Variants in ADGRE3 observed in about 807,000 individuals in gnomAD.
The protein encoded by ADGRE3 is EGF-like module receptor 3.
In ADGRE3, 88 loss-of-function variants were observed where a neutral mutation model predicts 80.1. The ratio of observed to expected loss-of-function variants is 1.10; its 90% CI spans 0.93 to 1.31. The LOEUF (loss-of-function observed/expected upper bound fraction) is 1.31. Among genes scored for constraint, ADGRE3 ranks in the 40% most tolerant of loss-of-function variants. ADGRE3 has a pLI of 0.00. For synonymous variants in ADGRE3, 281 were observed against 294.8 expected (o/e 0.95, Z 0.48); for missense variants, 715 against 776.5 (o/e 0.92, Z 0.94).
chr19:14,657,880 C>T (rs1211790253), intron 5 of ADGRE3, among the ~76,000 whole-genome samples: 2 of 152,076 alleles, frequency 1.3e-5, no homozygotes, highest in Non-Finnish European at 2.9e-5. Context: ...TCTCCTGCCT[C>T]AGCCTCTGGG....
At chr19:14,608,270 C>T in the ADGRE3 span, among the ~76,000 whole-genome samples, 1,187 of 152,310 alleles carry the variant, frequency 7.8e-3, 16 homozygotes, top group African/African-American at 0.028. Flanking sequence ...TGGACTTCCA[C>T]ATCACCTAAC....
the ADGRE3 span, chr19:14,610,469 C>G: frequency 2.2e-6 from 1 of 452,100 alleles, no homozygotes; most frequent in Non-Finnish European, 4.1e-6. Flanking sequence ...AGGATCTTCA[C>G]TAAGTTCCTG....
At chr19:14,623,612 A>G (rs1424162244) in intron 15 of ADGRE3, among the ~76,000 whole-genome samples, 1 of 152,140 alleles carries the variant, frequency 6.6e-6, no homozygotes, top group African/African-American at 2.4e-5. Flanking sequence ...ATCCTCTGCA[A>G]TTATGCAGAG....
downstream of ADGRE3, among the ~76,000 whole-genome samples, chr19:14,615,884 A>G (rs1167350120): frequency 6.6e-6 from 1 of 152,004 alleles, no homozygotes; most frequent in Non-Finnish European, 1.5e-5. Flanking sequence ...CTTCGCCTCC[A>G]GAGTATCTGA....
In ADGRE3 at chr19:14,644,147, G is replaced by C. The variant is rs765964678; in HGVS notation, c.1011C>G (p.His337Gln). Residue 337 changes from histidine (H) to glutamine (Q), a missense_variant, in exon 9 of 16, where the codon CAC becomes CAG. Coordinates refer to ENST00000253673, the MANE Select transcript of ADGRE3 (RefSeq NM_032571.5). ...CCATCAGGACAGCGAAGCTGGACAGGTGACTGCAATTACACATGGTGTGAC... is the reference window on the plus strand; with the variant it reads ...CCATCAGGACAGCGAAGCTGGACAGCTGACTGCAATTACACATGGTGTGAC... The part of the protein sequence containing the change: ...NKSHTMCNCS[H>Q]LSSFAVLMAL... 2.1e-5 allele frequency: 34 copies of C among 1,591,740 alleles called. No homozygotes were observed. Among genetic ancestry groups the C allele is most frequent in the Non-Finnish European group, 2.7e-5 (32 of 1,170,476 alleles).
intron 1 of ADGRE3, among the ~76,000 whole-genome samples, chr19:14,671,083 G>A (rs1257181942): frequency 6.6e-6 from 1 of 152,222 alleles, no homozygotes; most frequent in Admixed American, 6.5e-5. Flanking sequence ...TTTTGGAGAA[G>A]AGGCCCTGGG....
chr19:14,647,614 C>T (rs1205495574), intron 7 of ADGRE3, among the ~76,000 whole-genome samples: 1 of 151,326 alleles, frequency 6.6e-6, no homozygotes, highest in East Asian at 2.0e-4. Context: ...GATAGGGTTT[C>T]ACTATGTTGG....
intron 14 of ADGRE3, 91 bp from the exon 15 acceptor site, chr19:14,625,690 T>G: frequency 1.4e-6 from 1 of 728,452 alleles, no homozygotes; most frequent in Non-Finnish European, 2.4e-6. Flanking sequence ...TAGAGATGTA[T>G]TATTATTTAT....
rs373422280 is a variant in ADGRE3 at position 14,662,191 on chromosome 19, T to G, written c.200-73A>C. On this transcript the variant is annotated intron_variant, in intron 3 of 15. Coordinates refer to ENST00000253673, the MANE Select transcript of ADGRE3 (RefSeq NM_032571.5). ...TGAGCAGCTACTATGTGTCAGGAGT[T>G]GTGCTCTTTCCCCCATGGTCTGTCC... is the stretch of plus-strand genomic sequence containing the variant. 1.9e-5 allele frequency: 28 copies of G among 1,494,850 alleles called. No individual in the cohort carries two copies. In the African/African-American group the frequency reaches 2.7e-4, roughly 15 times the overall value. The allele number at this position is 1,494,850 out of a possible 1,614,324, so 92.6% of individuals were successfully genotyped here. A position where few individuals can be genotyped will look rare whatever the true frequency, so the allele number is the denominator to read the frequency against.
At chr19:14,601,425 T>A in the ADGRE3 span, among the ~76,000 whole-genome samples, 1 of 152,334 alleles carries the variant, frequency 6.6e-6, no homozygotes, top group East Asian at 1.9e-4. Flanking sequence ...GATTTGCTAC[T>A]ACAATTTAGG....
In ADGRE3 at chr19:14,632,989, C is replaced by T; in HGVS notation, c.1575G>A (p.Leu525=). 6.2e-7 allele frequency: 1 copy of T among 1,613,696 alleles called. No individual in the cohort carries two copies. The highest frequency in any genetic ancestry group is 8.5e-7 in the Non-Finnish European group (1 of 1,179,674). ...IFSANLVLFI[L]VFWILKRKLS... ...GTTTTCTTTTCAAAATCCAAAAGACCAAGATAAACAATACTAAATTCGCCT... is the reference window on the plus strand; with the variant it reads ...GTTTTCTTTTCAAAATCCAAAAGACTAAGATAAACAATACTAAATTCGCCT... The change falls in exon 13 of 16, where the codon TTG becomes TTA. Residue 525 remains leucine (L), a synonymous_variant. Coordinates refer to ENST00000253673, the MANE Select transcript of ADGRE3 (RefSeq NM_032571.5).
chr19:14,639,322 A>G (rs926426875), intron 10 of ADGRE3, among the ~76,000 whole-genome samples: 1 of 152,100 alleles, frequency 6.6e-6, no homozygotes, highest in Non-Finnish European at 1.5e-5. Flanking sequence ...GTACCCCATA[A>G]TTTTATACAT....
intron 10 of ADGRE3, among the ~76,000 whole-genome samples, chr19:14,639,395 T>G (rs879090509): frequency 5.3e-5 from 8 of 151,958 alleles, no homozygotes; most frequent in South Asian, 4.2e-4. Flanking sequence ...AAGAGATTAT[T>G]ATTATGATTA....
intron 1 of ADGRE3, 151 bp downstream of exon 1, chr19:14,674,595 G>A (rs1372355186): frequency 3.0e-6 from 2 of 663,758 alleles, no homozygotes; most frequent in South Asian, 2.2e-5. Context: ...ACTTTGAATA[G>A]GGTAGTCAGG....
intron 8 of ADGRE3, among the ~76,000 whole-genome samples, chr19:14,645,179 AC>A (rs1971364115): frequency 6.6e-6 from 1 of 151,644 alleles, no homozygotes; most frequent in African/African-American, 2.4e-5. Flanking sequence ...GAGGAAAAAA[AC>A]AAAAAAAAAC....
chr19:14,670,698 C>T (rs771016057), intron 1 of ADGRE3, among the ~76,000 whole-genome samples: 2 of 152,140 alleles, frequency 1.3e-5, no homozygotes, highest in Non-Finnish European at 1.5e-5. Context: ...AGCTTTGCAA[C>T]GACTTTAGCA....
chr19:14,601,943 C>T, the ADGRE3 span, among the ~76,000 whole-genome samples: 1 of 152,182 alleles, frequency 6.6e-6, no homozygotes, highest in South Asian at 2.1e-4. Context: ...CAGGCGCCCG[C>T]CACCACACCC....
rs1294641480 is a variant in ADGRE3 at position 14,630,082 on chromosome 19, T to G, written c.1769A>C (p.Gln590Pro). 2.5e-6 allele frequency: 4 copies of G among 1,611,994 alleles called. No individual in the cohort carries two copies. The African/African-American group carries it at 5.3e-5, about 22-fold the overall frequency. ...GTAGACCAAGAAGATGAAGAAGCCT[T>G]GGAGGCTGTTGATGATGGTGAAGAG... ...AYLFTIINSL[Q>P]GFFIFLVYCL... The change falls in exon 14 of 16, where the codon CAA becomes CCA. Residue 590 changes from glutamine to proline, a missense_variant. Gln to Pro is a moderately conservative substitution (Grantham distance 76). Coordinates refer to ENST00000253673, the MANE Select transcript of ADGRE3 (RefSeq NM_032571.5).
downstream of ADGRE3, among the ~76,000 whole-genome samples, chr19:14,617,396 T>TTCTTTCTTTCTTTCTTTCTTTCTC (rs2075088516): frequency 6.9e-6 from 1 of 144,744 alleles, no homozygotes. Context: ...CTTTCTTTCT[T>TTCTTTCTTTCTTTCTTTCTTTCTC]TCTTTTCTTT....
Sources: gnomAD v4.1 joint callset for allele counts (sites outside exome capture counted in the v4.1 genomes callset) on GRCh38, gnomAD v4.1.1 for gene constraint, MANE v1.5 for transcripts, NCBI Gene and HGNC (gene_info 2026-07-23, HGNC 2026-07-21) for gene names.